The following SYT13 variants were observed in gnomAD, a reference collection of about 807,000 sequenced individuals.
SYT13 encodes the protein synaptotagmin 13.
SYT13 carries 21 observed loss-of-function variants against 38.6 expected under a neutral mutation model. The observed-to-expected ratio is 0.54, with a 90% CI of 0.39 to 0.78. SYT13 has a LOEUF of 0.78. Ranked by LOEUF, SYT13 falls within the 30% of genes least tolerant of loss-of-function variation. SYT13 has a pLI of 0.00. For synonymous variants in SYT13, 241 were observed against 237.6 expected, an observed-to-expected ratio of 1.01 and a Z score of -0.13; for missense variants, 495 against 548.7, an observed-to-expected ratio of 0.90 and a Z score of 0.98.
At chr11:45,250,552 C>T (rs947527668) in intron 4 of SYT13, among the ~76,000 whole-genome samples, 2 of 152,148 alleles carry the variant, frequency 1.3e-5, no homozygotes, top group South Asian at 4.1e-4. Flanking sequence ...CTCTGCATCT[C>T]GAGAGAAAGC....
chr11:45,268,820 C>G (rs1457248035), intron 1 of SYT13, among the ~76,000 whole-genome samples: 1 of 152,132 alleles, frequency 6.6e-6, no homozygotes, highest in Non-Finnish European at 1.5e-5. Flanking sequence ...CCATCTCTAC[C>G]CTCCTAGCCT....
In SYT13 at chr11:45,252,623, C is replaced by T. The variant is rs768150450; in HGVS notation, c.644G>A (p.Arg215Gln). Residue 215 changes from arginine to glutamine, a missense_variant, in exon 4 of 6, where the codon CGG (arginine) becomes CAG (glutamine). Arg to Gln is a conservative substitution (Grantham distance 43). Transcript: ENST00000020926. The surrounding 1 kb of genome is among the most constrained non-coding windows in gnomAD (Gnocchi z 4.3). ...CTCCTCCCAGGTGGTGTGCAGCTGCCGCTTCTTTAGGGCTGTCTGAGCCTC... is the reference window on the plus strand; with the variant it reads ...CTCCTCCCAGGTGGTGTGCAGCTGCTGCTTCTTTAGGGCTGTCTGAGCCTC... ...SVEAQTALKKRQLHTTWEEGL... is the reference protein window; with the variant it reads ...SVEAQTALKKQQLHTTWEEGL... 4 of 1,613,964 alleles carry T rather than the reference C, an allele frequency of 2.5e-6. No homozygotes were observed. The highest frequency in any genetic ancestry group is 1.3e-5 in the African/African-American group (1 of 74,920).
intron 4 of SYT13, among the ~76,000 whole-genome samples, chr11:45,248,730 C>T (rs1465986272): frequency 6.6e-6 from 1 of 152,180 alleles, no homozygotes; most frequent in African/African-American, 2.4e-5. Context: ...GGGCTATAGC[C>T]ACAGGGTTAC....
chr11:45,252,580 CA>C lies in SYT13; in HGVS notation c.686del (p.Leu229ArgfsTer11). On this transcript the variant is annotated frameshift_variant, in exon 4 of 6. Transcript: ENST00000020926. LOFTEE classifies it high-confidence loss of function. The surrounding 1 kb of genome is among the most constrained non-coding windows in gnomAD (Gnocchi z 4.3). ...TTWEEGLVLP[L>X]AEEELPTATL... ...TGGCTGTGGGGAGCTCCTCCTCCGC[CA>C]GGGGGAGCACCAGGCCCTCCTCCCA... The C allele has an allele frequency of 6.2e-7, 1 of 1,614,140 alleles. No homozygotes were observed. Among genetic ancestry groups the C allele is most frequent in the Non-Finnish European group, 8.5e-7 (1 of 1,180,038 alleles).
intron 1 of SYT13, among the ~76,000 whole-genome samples, chr11:45,259,177 G>A (rs931153697): frequency 7.2e-5 from 11 of 152,070 alleles, no homozygotes; most frequent in Admixed American, 5.2e-4. Context: ...CCCATTCATC[G>A]GCACAAAAGC....
intron 4 of SYT13, among the ~76,000 whole-genome samples, chr11:45,247,192 A>T (rs538497363): frequency 3.7e-4 from 57 of 152,110 alleles, no homozygotes; most frequent in Non-Finnish European, 7.6e-4. Context: ...TTCGTACAGG[A>T]GTTTATTTGG....
chr11:45,278,925 C>T (rs1855040492), intron 1 of SYT13, among the ~76,000 whole-genome samples: 1 of 152,196 alleles, frequency 6.6e-6, no homozygotes, highest in African/African-American at 2.4e-5. Context: ...AACATGTTTA[C>T]TGTGTAAAAT....
At chr11:45,260,222 C>G (rs749913954) in intron 1 of SYT13, among the ~76,000 whole-genome samples, 1 of 152,240 alleles carries the variant, frequency 6.6e-6, no homozygotes, top group Non-Finnish European at 1.5e-5. Context: ...GAATGACTTA[C>G]AGCCTTTGCC....
At chr11:45,281,177 C>T (rs2135912270) in intron 1 of SYT13, among the ~76,000 whole-genome samples, 1 of 149,894 alleles carries the variant, frequency 6.7e-6, no homozygotes, top group South Asian at 2.1e-4. Flanking sequence ...TTCTGGATGA[C>T]AGAGCAAGAC....
intron 1 of SYT13, among the ~76,000 whole-genome samples, chr11:45,276,779 T>C (rs1169057047): frequency 6.6e-6 from 1 of 151,826 alleles, no homozygotes; most frequent in Non-Finnish European, 1.5e-5. Context: ...GGTGGAGAAA[T>C]GGGAACTGTC....
At chr11:45,246,589 G>A in intron 4 of SYT13, 77 bp from the exon 5 acceptor site, 1 of 1,548,932 alleles carries the variant, frequency 6.5e-7, no homozygotes, top group Non-Finnish European at 8.7e-7. Flanking sequence ...TGCTGAAGCT[G>A]GAACCATGCT....
At chr11:45,258,137 AGAGTAAGCCT>A (rs1854770838) in intron 1 of SYT13, among the ~76,000 whole-genome samples, 1 of 152,216 alleles carries the variant, frequency 6.6e-6, no homozygotes, top group South Asian at 2.1e-4. Flanking sequence ...GGGCAGCAGC[AGAGTAAGCCT>A]AGATCAGCCT....
intron 1 of SYT13, among the ~76,000 whole-genome samples, chr11:45,277,212 A>G (rs773583285): frequency 7.9e-5 from 12 of 151,556 alleles, no homozygotes; most frequent in Non-Finnish European, 1.6e-4. Flanking sequence ...CATAAAGACA[A>G]AAAACAGATT....
intron 1 of SYT13, among the ~76,000 whole-genome samples, chr11:45,264,866 C>T (rs1854862765): frequency 6.6e-6 from 1 of 152,202 alleles, no homozygotes; most frequent in South Asian, 2.1e-4. Flanking sequence ...GGATGTGAGA[C>T]ATTTGGGATG....
At chr11:45,266,519 C>CACACACACACACACACAT (rs1854883454) in intron 1 of SYT13, among the ~76,000 whole-genome samples, 1 of 151,786 alleles carries the variant, frequency 6.6e-6, no homozygotes, top group African/African-American at 2.4e-5. Context: ...CACACACACA[C>CACACACACACACACACAT]ACACACACAC....
intron 2 of SYT13, 21 bp from the exon 3 acceptor site, chr11:45,254,425 G>C (rs760112261): frequency 3.1e-6 from 5 of 1,607,080 alleles, no homozygotes; most frequent in Non-Finnish European, 4.2e-6. Context: ...AGTCGAAATC[G>C]TCACTGCCAC....
At chr11:45,255,605 G>T in intron 2 of SYT13, 61 bp downstream of exon 2, 1 of 1,509,426 alleles carries the variant, frequency 6.6e-7, no homozygotes, top group South Asian at 1.2e-5. Context: ...CATCTACAGA[G>T]ACATTGACAA....
chr11:45,259,219 C>A (rs895476134), intron 1 of SYT13, among the ~76,000 whole-genome samples: 11 of 152,168 alleles, frequency 7.2e-5, no homozygotes, highest in African/African-American at 2.7e-4. Context: ...TCAGCACACA[C>A]CTGACTTAAA....
intron 1 of SYT13, among the ~76,000 whole-genome samples, chr11:45,264,385 A>C (rs1406335102): frequency 6.6e-6 from 1 of 152,234 alleles, no homozygotes; most frequent in Non-Finnish European, 1.5e-5. Context: ...GATTACCAAA[A>C]AAATGACATT....
Sources: gnomAD v4.1 joint callset for allele counts (sites outside exome capture counted in the v4.1 genomes callset) on GRCh38, gnomAD v4.1.1 for gene constraint, Gnocchi (gnomAD v3.1) non-coding constraint, MANE v1.5 for transcripts, NCBI Gene and HGNC (gene_info 2026-07-23, HGNC 2026-07-21) for gene names.